C8orf88: variants seen among roughly 807,000 people sequenced by gnomAD.
The protein encoded by C8orf88 is uncharacterized protein C8orf88.
A neutral mutation model predicts 18.4 loss-of-function variants in C8orf88; 14 were observed. The ratio of observed to expected loss-of-function variants is 0.76; its 90% CI spans 0.50 to 1.19. The LOEUF is 1.19. C8orf88 is among the 50% of genes most tolerant of loss of function. C8orf88 has a pLI of 0.00. For missense variants in C8orf88, 116 were observed against 134.7 expected (o/e 0.86, Z 0.69); for synonymous variants, 45 against 42.9 (o/e 1.05, Z -0.19).
chr8:90,976,148 T>G (rs1035213614), intron 3 of C8orf88, among the ~76,000 whole-genome samples: 11 of 152,020 alleles, frequency 7.2e-5, no homozygotes, highest in Non-Finnish European at 1.0e-4. Flanking sequence ...GTGTAAGTGG[T>G]AAATTATTGC....
chr8:90,970,328 G>A (rs1333019564), intron 4 of C8orf88, among the ~76,000 whole-genome samples: 4 of 151,862 alleles, frequency 2.6e-5, no homozygotes, highest in Non-Finnish European at 5.9e-5. Flanking sequence ...GGAAATAATT[G>A]TATTTAGAAA....
At chr8:90,975,585 A>G (rs1334288175) in intron 3 of C8orf88, among the ~76,000 whole-genome samples, 2 of 152,148 alleles carry the variant, frequency 1.3e-5, no homozygotes, top group Non-Finnish European at 2.9e-5. Context: ...TAATTTAAAT[A>G]CAATGAGATA....
In C8orf88 at chr8:90,971,052, T is replaced by C; in HGVS notation, c.223+14A>G. On this transcript the variant is annotated intron_variant, in intron 4 of 5. Coordinates refer to ENST00000517562, the MANE Select transcript of C8orf88 (RefSeq NM_001190972.2). The stretch of plus-strand genomic sequence containing the variant: ...CATTCAATGATAAAATTGGGAATTA[T>C]GATAAAATTTTACCTTTCTTAACTG... 1 of 1,468,052 alleles carries C rather than the reference T, an allele frequency of 6.8e-7. No individual in the cohort carries two copies. The highest frequency in any genetic ancestry group is 1.3e-5 in the South Asian group (1 of 76,092). The allele number at this position is 1,468,052 out of a possible 1,614,324, so 90.9% of individuals were successfully genotyped here.
At chr8:90,969,244 C>T (rs780905253) in intron 4 of C8orf88, among the ~76,000 whole-genome samples, 1 of 151,678 alleles carries the variant, frequency 6.6e-6, no homozygotes, top group Non-Finnish European at 1.5e-5. Context: ...AAATGGATAA[C>T]AAAATGTGGC....
intron 3 of C8orf88, among the ~76,000 whole-genome samples, chr8:90,975,627 A>G (rs1371140933): frequency 1.3e-5 from 2 of 152,126 alleles, no homozygotes; most frequent in East Asian, 3.9e-4. Context: ...GGCTAAAAAT[A>G]AAAAGATTGA....
intron 4 of C8orf88, among the ~76,000 whole-genome samples, chr8:90,962,600 G>A (rs1811144613): frequency 6.6e-6 from 1 of 151,000 alleles, no homozygotes; most frequent in Non-Finnish European, 1.5e-5. Context: ...CCCCCAGATA[G>A]GCCATGGCCT....
Position 90,985,193 on chromosome 8 carries a change from C to T in C8orf88, c.-106G>A, listed in dbSNP as rs1267845046. 1 of 151,020 alleles carries T rather than the reference C, an allele frequency of 6.6e-6. No homozygotes were observed. Among genetic ancestry groups the T allele is most frequent in the African/African-American group, 2.4e-5 (1 of 41,234 alleles). The allele number at this position is 151,020 out of a possible 1,614,324, so 9.4% of individuals were successfully genotyped here. A position where few individuals can be genotyped will look rare whatever the true frequency, so the allele number is the denominator to read the frequency against. On this transcript the variant is annotated 5_prime_UTR_variant, in exon 1 of 6. Transcript: ENST00000517562. The stretch of plus-strand genomic sequence containing the variant: ...ACGCGGAGGCCGAGCGCCCTGCTGC[C>T]CGTCGGGGAACGGCTCCTGCCGCTG...
chr8:90,960,962 G>A, intron 4 of C8orf88, 114 bp from the exon 5 acceptor site: 1 of 479,436 alleles, frequency 2.1e-6, no homozygotes, highest in Non-Finnish European at 3.6e-6. Flanking sequence ...GATGAGTCGT[G>A]TGTCTATGCA....
intron 1 of C8orf88, among the ~76,000 whole-genome samples, chr8:90,983,236 G>C (rs1022824925): frequency 6.6e-6 from 1 of 152,092 alleles, no homozygotes; most frequent in Non-Finnish European, 1.5e-5. Flanking sequence ...TAAATGTATA[G>C]TTTTGTGGTA....
chr8:90,976,803 A>C (rs1811357646), intron 3 of C8orf88, among the ~76,000 whole-genome samples: 1 of 152,084 alleles, frequency 6.6e-6, no homozygotes, highest in African/African-American at 2.4e-5. Context: ...CCAAAAAATC[A>C]CCTTGAGGTA....
At chr8:90,965,261 C>T (rs1044101082) in intron 4 of C8orf88, among the ~76,000 whole-genome samples, 1 of 151,542 alleles carries the variant, frequency 6.6e-6, no homozygotes, top group Non-Finnish European at 1.5e-5. Flanking sequence ...GACATTAAGA[C>T]AAAAATTGTT....
At chr8:90,985,074 T>G (rs1194639753) in intron 1 of C8orf88, 40 bp downstream of exon 1, 2 of 152,236 alleles carry the variant, frequency 1.3e-5, no homozygotes, top group African/African-American at 4.8e-5. Flanking sequence ...GGGGCCCGAC[T>G]TCCGTCCCCC....
At chr8:90,973,809 C>G (rs2130316071) in intron 3 of C8orf88, among the ~76,000 whole-genome samples, 1 of 152,106 alleles carries the variant, frequency 6.6e-6, no homozygotes. Context: ...CAAGAATGTT[C>G]CCAGCCTCTT....
chr8:90,960,719 T>C (rs1446477682), intron 5 of C8orf88, 23 bp downstream of exon 5: 9 of 1,366,676 alleles, frequency 6.6e-6, no homozygotes, highest in Non-Finnish European at 9.0e-6. Context: ...AATATTACAA[T>C]ACAAACTTAG....
intron 4 of C8orf88, among the ~76,000 whole-genome samples, chr8:90,968,019 C>T (rs900132180): frequency 7.9e-5 from 12 of 151,820 alleles, no homozygotes; most frequent in East Asian, 1.9e-4. Flanking sequence ...ATAAATTCAA[C>T]GCTATCCCTA....
intron 4 of C8orf88, among the ~76,000 whole-genome samples, chr8:90,967,137 G>A (rs945952851): frequency 2.0e-5 from 3 of 151,606 alleles, no homozygotes; most frequent in East Asian, 1.9e-4. Context: ...TCTTGATGGC[G>A]TGTTGTGTTT....
chr8:90,979,289 AG>A (rs1224137904), intron 2 of C8orf88, among the ~76,000 whole-genome samples: 2 of 152,278 alleles, frequency 1.3e-5, no homozygotes, highest in South Asian at 2.1e-4. Context: ...GCAGAGATGA[AG>A]GGGGGTGGGA....
At chr8:90,973,639 T>C (rs531134654) in intron 3 of C8orf88, among the ~76,000 whole-genome samples, 6 of 152,170 alleles carry the variant, frequency 3.9e-5, no homozygotes, top group African/African-American at 1.4e-4. Flanking sequence ...TATACCACCA[T>C]ACCCAGCTAC....
intron 3 of C8orf88, among the ~76,000 whole-genome samples, chr8:90,974,655 T>G (rs1037329094): frequency 6.6e-6 from 1 of 152,180 alleles, no homozygotes; most frequent in Non-Finnish European, 1.5e-5. Flanking sequence ...AAGGAAGTTG[T>G]TCATAAAGAA....
Sources: allele counts gnomAD v4.1 joint callset (sites outside exome capture counted in the v4.1 genomes callset), GRCh38; gene constraint gnomAD v4.1.1; transcripts MANE v1.5; gene names NCBI Gene and HGNC (gene_info 2026-07-23, HGNC 2026-07-21).